The following ADAM22 variants were observed in gnomAD, a reference collection of about 807,000 sequenced individuals.
ADAM22 encodes ADAM metallopeptidase domain 22.
Under a neutral mutation model 144.6 loss-of-function variants are expected in ADAM22, and 65 were observed. That is an observed-to-expected ratio of 0.45 (90% CI 0.37 to 0.55). The LOEUF (loss-of-function observed/expected upper bound fraction) is 0.55, where lower values mean the gene tolerates loss of function less well. Ranked by LOEUF, ADAM22 falls within the 20% of genes least tolerant of loss-of-function variation. The probability of loss-of-function intolerance (pLI) is 0.00; values close to 1 mark genes in which losing one functional copy is unlikely to be tolerated. For synonymous variants in ADAM22, 391 were observed against 412.6 expected (o/e 0.95, Z 0.63); for missense variants, 974 against 1,184.9 (o/e 0.82, Z 2.61).
intron 2 of ADAM22, among the ~76,000 whole-genome samples, chr7:87,936,869 T>G (rs60226471): frequency 0.035 from 5,279 of 150,432 alleles, 130 homozygotes; most frequent in East Asian, 0.097. Context: ...TATATATATA[T>G]ATAGAGAGAG....
chr7:88,182,103 CAAAG>C, intron 29 of ADAM22, 79 bp downstream of exon 29: 1 of 1,257,026 alleles, frequency 8.0e-7, no homozygotes, highest in East Asian at 2.4e-5. Flanking sequence ...AGCAGATAGT[CAAAG>C]AACTGTAAAC....
intron 7 of ADAM22, among the ~76,000 whole-genome samples, chr7:88,119,379 A>C (rs1038518565): frequency 6.6e-6 from 1 of 152,208 alleles, no homozygotes; most frequent in Admixed American, 6.5e-5. Flanking sequence ...GGAATCATGT[A>C]CTATGTGCAG....
chr7:87,991,498 C>A (rs898513211), intron 3 of ADAM22, among the ~76,000 whole-genome samples: 10 of 151,852 alleles, frequency 6.6e-5, no homozygotes, highest in African/African-American at 1.9e-4. Context: ...TCCCGAGTAG[C>A]TGGGACTACA....
intron 3 of ADAM22, among the ~76,000 whole-genome samples, chr7:88,031,856 A>G (rs1219034334): frequency 1.3e-5 from 2 of 152,194 alleles, no homozygotes; most frequent in East Asian, 3.9e-4. Context: ...AGCTGTGGCT[A>G]AAAGGGCCCC....
At chr7:88,077,181 A>G (rs1000888014) in intron 4 of ADAM22, among the ~76,000 whole-genome samples, 2 of 152,216 alleles carry the variant, frequency 1.3e-5, no homozygotes, top group Non-Finnish European at 2.9e-5. Flanking sequence ...CATTTATTAC[A>G]TAGTAAAGCT....
chr7:88,090,556 A>G (rs973420828), intron 4 of ADAM22, among the ~76,000 whole-genome samples: 3 of 152,176 alleles, frequency 2.0e-5, no homozygotes, highest in Non-Finnish European at 4.4e-5. Context: ...ATCTTCATAC[A>G]TGAATATTTA....
At chr7:88,165,746 C>A in intron 23 of ADAM22, 86 bp from the exon 24 acceptor site, 1 of 870,996 alleles carries the variant, frequency 1.1e-6, no homozygotes, top group South Asian at 1.9e-5. Context: ...ACATTCTAAG[C>A]ATATAATAAT....
intron 2 of ADAM22, among the ~76,000 whole-genome samples, chr7:87,976,166 TGAG>T (rs1242003219): frequency 1.4e-4 from 21 of 152,116 alleles, no homozygotes; most frequent in African/African-American, 5.1e-4. Flanking sequence ...TGACCTGTAG[TGAG>T]GAGGAGATGA....
At chr7:88,143,264 T>G (rs1206658125) in intron 15 of ADAM22, 139 bp downstream of exon 15, 4 of 495,694 alleles carry the variant, frequency 8.1e-6, no homozygotes. Flanking sequence ...ATGCTATATA[T>G]CTGCATATTC....
At chr7:88,034,434 C>G (rs898014556) in intron 3 of ADAM22, among the ~76,000 whole-genome samples, 1 of 152,158 alleles carries the variant, frequency 6.6e-6, no homozygotes. Flanking sequence ...GTCTTCATTA[C>G]TCTTCCCTGT....
intron 5 of ADAM22, among the ~76,000 whole-genome samples, chr7:88,112,662 CTCAGA>C (rs1826354612): frequency 6.6e-6 from 1 of 152,136 alleles, no homozygotes; most frequent in African/African-American, 2.4e-5. Flanking sequence ...CAGAGGATTT[CTCAGA>C]TGGCTGGTAG....
intron 3 of ADAM22, among the ~76,000 whole-genome samples, chr7:88,050,221 T>TAAAAA (rs1240990310): frequency 1.4e-5 from 1 of 70,566 alleles, no homozygotes; most frequent in African/African-American, 5.3e-5. Context: ...CCATCTCTAC[T>TAAAAA]AAAAAAAAAA....
chr7:87,998,940 G>A (rs1029731032), intron 3 of ADAM22, among the ~76,000 whole-genome samples: 6 of 152,248 alleles, frequency 3.9e-5, no homozygotes, highest in Admixed American at 2.6e-4. Context: ...TCTGCTGGGA[G>A]CATTGTGTAA....
intron 4 of ADAM22, among the ~76,000 whole-genome samples, chr7:88,080,047 C>T (rs189816819): frequency 4.6e-5 from 7 of 152,164 alleles, no homozygotes; most frequent in Admixed American, 4.6e-4. Context: ...AATATACATT[C>T]TTTTCAGCAC....
chr7:88,187,296 G>T (rs1848537370), intron 30 of ADAM22, among the ~76,000 whole-genome samples: 1 of 152,180 alleles, frequency 6.6e-6, no homozygotes, highest in Non-Finnish European at 1.5e-5. Flanking sequence ...CCAGAGAAAG[G>T]CTGTGCTGAG....
At chr7:87,963,417 A>G (rs1013541553) in intron 2 of ADAM22, among the ~76,000 whole-genome samples, 11 of 152,180 alleles carry the variant, frequency 7.2e-5, no homozygotes, top group Admixed American at 6.6e-4. Context: ...GAAAGTATTC[A>G]TTTGCCTCAG....
At chr7:88,196,417 T>C in intron 31 of ADAM22, 54 bp from the exon 32 acceptor site, 2 of 1,602,228 alleles carry the variant, frequency 1.2e-6, no homozygotes, top group African/African-American at 1.3e-5. Flanking sequence ...CTATTCAGAA[T>C]ACATCTGCTT....
chr7:87,973,198 A>G (rs1168232313), intron 2 of ADAM22, among the ~76,000 whole-genome samples: 4 of 152,250 alleles, frequency 2.6e-5, no homozygotes, highest in Non-Finnish European at 5.9e-5. Context: ...CTTATCTGAC[A>G]AAGGGCTAAT....
intron 3 of ADAM22, among the ~76,000 whole-genome samples, chr7:88,001,174 G>A (rs1036165577): frequency 6.6e-6 from 1 of 152,212 alleles, no homozygotes; most frequent in South Asian, 2.1e-4. Context: ...TATCCAAAAT[G>A]CTTGGGGACA....
Sources: gnomAD v4.1 joint callset for allele counts (sites outside exome capture counted in the v4.1 genomes callset) on GRCh38, gnomAD v4.1.1 for gene constraint, MANE v1.5 for transcripts, NCBI Gene and HGNC (gene_info 2026-07-23, HGNC 2026-07-21) for gene names.